The following RELL1 variants were observed in gnomAD, a reference collection of about 807,000 sequenced individuals.
RELL1 encodes the protein RELT like 1.
A neutral mutation model predicts 23.0 loss-of-function variants in RELL1; 10 were observed. The ratio of observed to expected loss-of-function variants is 0.43; its 90% confidence interval spans 0.27 to 0.74. The LOEUF (loss-of-function observed/expected upper bound fraction) is 0.74. Among genes scored for constraint, RELL1 ranks in the 30% least tolerant of loss-of-function variants. The probability of loss-of-function intolerance (pLI) is 0.19; values close to 1 mark genes in which losing one functional copy is unlikely to be tolerated. For synonymous variants in RELL1, 146 were observed against 146.8 expected, an observed-to-expected ratio of 0.99 and a Z score of 0.04; for missense variants, 315 against 364.4, an observed-to-expected ratio of 0.86 and a Z score of 1.10.
intron 1 of RELL1, among the ~76,000 whole-genome samples, chr4:37,670,927 T>C (rs529358422): frequency 6.6e-6 from 1 of 152,358 alleles, no homozygotes; most frequent in Non-Finnish European, 1.5e-5. Flanking sequence ...AATAGTAAAC[T>C]ATGCAATTTC....
At chr4:37,617,610 A>C (rs1345949274) in intron 6 of RELL1, among the ~76,000 whole-genome samples, 2 of 152,036 alleles carry the variant, frequency 1.3e-5, no homozygotes, top group African/African-American at 2.4e-5. Context: ...TGGTGAAACC[A>C]CGTCTCTACT....
chr4:37,633,236 C>A (rs1577577400), intron 5 of RELL1, among the ~76,000 whole-genome samples: 1 of 151,782 alleles, frequency 6.6e-6, no homozygotes. Context: ...TGGTGAAACC[C>A]CGTCTCTCCT....
At chr4:37,643,142 G>A (rs1040159389) in intron 3 of RELL1, among the ~76,000 whole-genome samples, 9 of 152,286 alleles carry the variant, frequency 5.9e-5, no homozygotes, top group African/African-American at 2.2e-4. Context: ...GGGATCTGAC[G>A]CTAACTCTAG....
At chr4:37,625,202 C>T (rs557256892) in intron 6 of RELL1, among the ~76,000 whole-genome samples, 28 of 152,014 alleles carry the variant, frequency 1.8e-4, no homozygotes, top group Non-Finnish European at 3.8e-4. Context: ...AAAATAAAAA[C>T]AGATGTCTAA....
chr4:37,643,785 G>A (rs1026942434), intron 3 of RELL1, among the ~76,000 whole-genome samples: 1 of 152,170 alleles, frequency 6.6e-6, no homozygotes, highest in African/African-American at 2.4e-5. Flanking sequence ...AACATGCTAG[G>A]TTATAAACTG....
At chr4:37,602,907 A>G (rs1719052849) in intron 6 of RELL1, among the ~76,000 whole-genome samples, 1 of 152,234 alleles carries the variant, frequency 6.6e-6, no homozygotes, top group East Asian at 1.9e-4. Flanking sequence ...GTATCCAGGT[A>G]ACACCTGCAG....
intron 1 of RELL1, among the ~76,000 whole-genome samples, chr4:37,681,082 C>G (rs1722204355): frequency 6.6e-6 from 1 of 152,140 alleles, no homozygotes; most frequent in East Asian, 1.9e-4. Flanking sequence ...CCAAAAATAC[C>G]TAGTGCACTG....
At chr4:37,656,697 G>A (rs1044323025) in intron 1 of RELL1, among the ~76,000 whole-genome samples, 3 of 152,230 alleles carry the variant, frequency 2.0e-5, no homozygotes, top group Non-Finnish European at 4.4e-5. Flanking sequence ...TCACAGAAGT[G>A]AGTTAGTTCT....
downstream of RELL1, among the ~76,000 whole-genome samples, chr4:37,607,888 A>C (rs1349509231): frequency 6.6e-6 from 1 of 152,142 alleles, no homozygotes; most frequent in Non-Finnish European, 1.5e-5. Context: ...GCGCCCAGCC[A>C]TCAGCACCAC....
At chr4:37,603,935 G>A (rs1376367806) in intron 6 of RELL1, among the ~76,000 whole-genome samples, 2 of 152,106 alleles carry the variant, frequency 1.3e-5, no homozygotes, top group Non-Finnish European at 2.9e-5. Context: ...CCTCCCATCT[G>A]AGCCTCCCAA....
In RELL1 at chr4:37,638,510, G is replaced by A. The variant is rs187003335; in HGVS notation, c.386-6C>T. 5.6e-6 allele frequency: 9 copies of A among 1,604,168 alleles called. No individual in the cohort carries two copies. The East Asian group carries it at 1.8e-4, about 32-fold the overall frequency. On this transcript the variant is annotated splice_polypyrimidine_tract_variant and splice_region_variant and intron_variant, in intron 3 of 6. Transcript: ENST00000454158. Reference sequence around the variant, plus strand: ...CTTTAAGACATCAGCATTCGCTAAGGAATAAAAATAAAATTAAAGAATTAA... The same window carrying A: ...CTTTAAGACATCAGCATTCGCTAAGAAATAAAAATAAAATTAAAGAATTAA...
intron 6 of RELL1, among the ~76,000 whole-genome samples, chr4:37,604,920 G>GACACACACAGACACACAC (rs1719145701): frequency 9.2e-6 from 1 of 108,186 alleles, no homozygotes; most frequent in African/African-American, 5.0e-5. Context: ...CACACACACA[G>GACACACACAGACACACAC]ACACACACAC....
chr4:37,599,956 C>A (rs1034221720), intron 6 of RELL1, among the ~76,000 whole-genome samples: 3 of 152,132 alleles, frequency 2.0e-5, no homozygotes, highest in Admixed American at 1.3e-4. Context: ...GTACCCAGCA[C>A]AAAGTAAACA....
intron 1 of RELL1, among the ~76,000 whole-genome samples, chr4:37,661,669 C>T (rs1181977386): frequency 6.6e-6 from 1 of 152,146 alleles, no homozygotes; most frequent in Non-Finnish European, 1.5e-5. Flanking sequence ...AAAATCATCC[C>T]CAAATTATTC....
At chr4:37,624,580 C>A (rs189839799) in intron 6 of RELL1, among the ~76,000 whole-genome samples, 2 of 151,748 alleles carry the variant, frequency 1.3e-5, no homozygotes, top group African/African-American at 4.8e-5. Flanking sequence ...CCCGCCACCA[C>A]GCCCGGCTAA....
intron 4 of RELL1, 31 bp from the exon 5 acceptor site, chr4:37,635,154 C>A (rs202133341): frequency 7.5e-5 from 116 of 1,551,528 alleles, no homozygotes; most frequent in Non-Finnish European, 9.7e-5. Context: ...AAAAGAGCAA[C>A]TGGTTAAAGG....
intron 1 of RELL1, among the ~76,000 whole-genome samples, chr4:37,666,396 G>T (rs1305589608): frequency 6.6e-6 from 1 of 152,146 alleles, no homozygotes; most frequent in East Asian, 1.9e-4. Context: ...TAGCTGTGAA[G>T]CCCCAGGCAA....
intron 1 of RELL1, among the ~76,000 whole-genome samples, chr4:37,652,637 A>T (rs1246925895): frequency 6.6e-6 from 1 of 152,126 alleles, no homozygotes; most frequent in East Asian, 1.9e-4. Context: ...GGGATGAAAG[A>T]GGGGCTCAGA....
chr4:37,622,728 G>A (rs1719808581), intron 6 of RELL1: 3 of 440,562 alleles, frequency 6.8e-6, no homozygotes, highest in Non-Finnish European at 1.3e-5. Context: ...GGTCTTCATT[G>A]TCTGTCTGAC....
Sources: gnomAD v4.1 joint callset for allele counts (sites outside exome capture counted in the v4.1 genomes callset) on GRCh38, gnomAD v4.1.1 for gene constraint, MANE v1.5 for transcripts, NCBI Gene and HGNC (gene_info 2026-07-23, HGNC 2026-07-21) for gene names.